CALN1: variants seen among roughly 807,000 people sequenced by gnomAD.
The protein encoded by CALN1 is calcium-binding protein 8.
Under a neutral mutation model 30.6 loss-of-function variants are expected in CALN1, and 17 were observed. That is an observed-to-expected ratio of 0.56 (90% CI 0.38 to 0.83). The LOEUF (loss-of-function observed/expected upper bound fraction) is 0.83, where lower values mean the gene tolerates loss of function less well. Among genes scored for constraint, CALN1 ranks in the 40% least tolerant of loss-of-function variants. The pLI is 0.00. For synonymous variants in CALN1, 156 were observed against 131.4 expected (o/e 1.19, Z -1.28); for missense variants, 291 against 354.9 (o/e 0.82, Z 1.45).
At chr7:72,031,982 A>G (rs1433941404) in intron 4 of CALN1, among the ~76,000 whole-genome samples, 1 of 146,964 alleles carries the variant, frequency 6.8e-6, no homozygotes, top group African/African-American at 2.5e-5. Context: ...ACTTCAGGTG[A>G]TCCGTCCGCC....
intron 5 of CALN1, among the ~76,000 whole-genome samples, chr7:71,816,349 C>T (rs914133995): frequency 6.6e-6 from 1 of 152,048 alleles, no homozygotes; most frequent in Non-Finnish European, 1.5e-5. Context: ...ACTCATGGGA[C>T]CCTGTCTCTT....
chr7:72,438,578 G>A (rs1178251224), intron 1 of CALN1, among the ~76,000 whole-genome samples: 1 of 152,106 alleles, frequency 6.6e-6, no homozygotes, highest in Non-Finnish European at 1.5e-5. Context: ...TAAAATAGTA[G>A]CCGCCACGTA....
chr7:71,980,633 C>T (rs1221959631), intron 5 of CALN1, among the ~76,000 whole-genome samples: 1 of 152,160 alleles, frequency 6.6e-6, no homozygotes, highest in African/African-American at 2.4e-5. Context: ...GATAGAAGGG[C>T]CTGCTCTGAG....
intron 5 of CALN1, among the ~76,000 whole-genome samples, chr7:72,006,423 T>C (rs193142207): frequency 6.6e-6 from 1 of 152,202 alleles, no homozygotes; most frequent in Non-Finnish European, 1.5e-5. Flanking sequence ...AAAAGAATAA[T>C]ATGGGGCCAC....
chr7:72,120,124 A>T (rs1014250611), intron 3 of CALN1, among the ~76,000 whole-genome samples: 1 of 151,958 alleles, frequency 6.6e-6, no homozygotes, highest in African/African-American at 2.4e-5. Context: ...CCCAGTATCT[A>T]TTGTTCCCAT....
chr7:72,193,197 GAAA>G (rs768421870), intron 3 of CALN1, among the ~76,000 whole-genome samples: 154 of 45,476 alleles, frequency 3.4e-3, no homozygotes, highest in Admixed American at 7.6e-3. Flanking sequence ...CAAAAAAAAA[GAAA>G]AGAGAAAAAA....
At chr7:72,286,249 A>G (rs146367696) in intron 2 of CALN1, among the ~76,000 whole-genome samples, 14 of 151,938 alleles carry the variant, frequency 9.2e-5, no homozygotes, top group Admixed American at 2.0e-4. Flanking sequence ...TGCTTTATTA[A>G]AGCAGCCAAG....
chr7:71,805,101 T>C (rs1269488163), intron 6 of CALN1, among the ~76,000 whole-genome samples: 1 of 152,206 alleles, frequency 6.6e-6, no homozygotes, highest in East Asian at 1.9e-4. Flanking sequence ...CAGTCCCACC[T>C]CCAGCTCTCC....
chr7:72,310,656 C>A (rs978759377), intron 2 of CALN1, among the ~76,000 whole-genome samples: 1 of 151,932 alleles, frequency 6.6e-6, no homozygotes, highest in Non-Finnish European at 1.5e-5. Context: ...ATAATCCCAG[C>A]ACTTTGGGAG....
intron 3 of CALN1, among the ~76,000 whole-genome samples, chr7:72,169,251 AT>A (rs1788763342): frequency 6.6e-6 from 1 of 151,706 alleles, no homozygotes; most frequent in Non-Finnish European, 1.5e-5. Flanking sequence ...AAAAAGTAAA[AT>A]TTTTCATGCA....
intron 5 of CALN1, among the ~76,000 whole-genome samples, chr7:71,878,482 G>A (rs972905102): frequency 6.6e-6 from 1 of 152,094 alleles, no homozygotes; most frequent in African/African-American, 2.4e-5. Flanking sequence ...CTATGAGACA[G>A]CTGGTACAGG....
chr7:72,002,420 C>A (rs1799570609), intron 5 of CALN1, among the ~76,000 whole-genome samples: 1 of 151,994 alleles, frequency 6.6e-6, no homozygotes, highest in African/African-American at 2.4e-5. Context: ...AGTTAAAAAG[C>A]AAAGCAGATA....
At chr7:72,232,697 T>A (rs1794196287) in intron 3 of CALN1, among the ~76,000 whole-genome samples, 1 of 152,222 alleles carries the variant, frequency 6.6e-6, no homozygotes, top group Non-Finnish European at 1.5e-5. Context: ...TGGCCTCAGG[T>A]GATCTGCCCA....
intron 2 of CALN1, among the ~76,000 whole-genome samples, chr7:72,347,096 G>A (rs1341647564): frequency 1.3e-5 from 2 of 152,098 alleles, no homozygotes; most frequent in Non-Finnish European, 2.9e-5. Context: ...TGCAATGCTG[G>A]CTGAGAATTT....
intron 3 of CALN1, among the ~76,000 whole-genome samples, chr7:72,123,343 A>T (rs1808520573): frequency 6.6e-6 from 1 of 152,240 alleles, no homozygotes; most frequent in South Asian, 2.1e-4. Context: ...GGTGTGGAAC[A>T]AAATGATAAA....
At chr7:72,057,125 T>C (rs1021755479) in intron 4 of CALN1, among the ~76,000 whole-genome samples, 1 of 151,754 alleles carries the variant, frequency 6.6e-6, no homozygotes, top group African/African-American at 2.4e-5. Context: ...AAAAAAAAAG[T>C]TTGTAGAGAT....
chr7:72,133,267 C>A (rs532062011), intron 3 of CALN1, among the ~76,000 whole-genome samples: 1 of 152,122 alleles, frequency 6.6e-6, no homozygotes, highest in African/African-American at 2.4e-5. Flanking sequence ...AGTCATGTGA[C>A]CATCACTTTG....
At chr7:72,499,995 T>G in the CALN1 span, among the ~76,000 whole-genome samples, 4 of 151,338 alleles carry the variant, frequency 2.6e-5, no homozygotes, top group Non-Finnish European at 5.9e-5. Context: ...CACTACAACC[T>G]CCGCCTCCCA....
At chr7:72,209,328 CTTT>C (rs1252620981) in intron 3 of CALN1, among the ~76,000 whole-genome samples, 384 of 25,544 alleles carry the variant, frequency 0.015, 16 homozygotes, top group Non-Finnish European at 0.022. Context: ...CTCCTTCCCT[CTTT>C]CCTTCCCTCT....
Sources: allele counts gnomAD v4.1 joint callset (sites outside exome capture counted in the v4.1 genomes callset), GRCh38; gene constraint gnomAD v4.1.1; transcripts MANE v1.5; gene names NCBI Gene and HGNC (gene_info 2026-07-23, HGNC 2026-07-21).